The following ZBTB20 variants were observed in gnomAD, a reference collection of about 807,000 sequenced individuals.
ZBTB20 encodes the protein zinc finger and BTB domain containing 20, also known as zinc finger and BTB domain-containing protein 20.
In ZBTB20, 9 loss-of-function variants were observed where a neutral mutation model predicts 56.9. That is an observed-to-expected ratio of 0.16 (90% CI 0.10 to 0.28). The LOEUF is 0.28. Among genes scored for constraint, ZBTB20 ranks in the 10% least tolerant of loss-of-function variants. The probability of loss-of-function intolerance (pLI) is 1.00; values close to 1 mark genes in which losing one functional copy is unlikely to be tolerated. For synonymous variants in ZBTB20, 417 were observed against 420.7 expected (o/e 0.99, Z 0.11); for missense variants, 655 against 1,003.0 (o/e 0.65, Z 4.69).
intron 10 of ZBTB20, 131 bp downstream of exon 10, chr3:114,380,086 G>C: frequency 1.0e-6 from 1 of 957,126 alleles, no homozygotes; most frequent in African/African-American, 1.7e-5. Context: ...GAAAATGGTG[G>C]CACATTACTT....
rs539429660 is a variant in ZBTB20 at position 114,338,619 on chromosome 3, T to A, written c.*386A>T. 1 of 160,108 alleles carries A rather than the reference T, an allele frequency of 6.2e-6. No homozygotes were observed. The highest frequency in any genetic ancestry group is 1.8e-4 in the East Asian group (1 of 5,596). 9.9% of individuals were successfully genotyped at this position (160,108 alleles called of 1,614,324 possible). A position where few individuals can be genotyped will look rare whatever the true frequency, so the allele number is the denominator to read the frequency against. On this transcript the variant is annotated 3_prime_UTR_variant, in exon 12 of 12. Transcript: ENST00000675478. ...ACAGTAGGCCTTTTAGATTTTGTTA[T>A]ATATTTTTTGTAGTGCTCTTCACAA...
intron 2 of ZBTB20, among the ~76,000 whole-genome samples, chr3:115,051,409 G>C (rs2081542543): frequency 6.6e-6 from 1 of 152,136 alleles, no homozygotes; most frequent in South Asian, 2.1e-4. Context: ...AGAAAGTGAT[G>C]TTTAAGCTGA....
chr3:114,498,303 C>T (rs936287201), intron 7 of ZBTB20, among the ~76,000 whole-genome samples: 3 of 152,054 alleles, frequency 2.0e-5, no homozygotes, highest in African/African-American at 4.8e-5. Flanking sequence ...AAATCCAGGT[C>T]AAATACAGAT....
chr3:115,039,014 T>C (rs946952422), intron 2 of ZBTB20, among the ~76,000 whole-genome samples: 1 of 152,122 alleles, frequency 6.6e-6, no homozygotes, highest in Admixed American at 6.5e-5. Flanking sequence ...CCTGTTACTG[T>C]ATCCTTGGAT....
chr3:114,807,333 C>T (rs190758580), intron 4 of ZBTB20, among the ~76,000 whole-genome samples: 3 of 151,950 alleles, frequency 2.0e-5, no homozygotes, highest in African/African-American at 2.4e-5. Flanking sequence ...ATTATATTGC[C>T]GGCAAATAAA....
At chr3:114,505,628 T>C (rs532708484) in intron 6 of ZBTB20, among the ~76,000 whole-genome samples, 3 of 152,298 alleles carry the variant, frequency 2.0e-5, no homozygotes, top group African/African-American at 7.2e-5. Flanking sequence ...TTTCTATCGG[T>C]AGAGATAATG....
At chr3:114,598,904 C>G (rs1327250251) in intron 6 of ZBTB20, among the ~76,000 whole-genome samples, 1 of 152,060 alleles carries the variant, frequency 6.6e-6, no homozygotes, top group Admixed American at 6.6e-5. Context: ...TGCGTTGTGT[C>G]CAGTTTGCAA....
rs2079324526 is a variant in ZBTB20 at position 114,333,151 on chromosome 3, A to G, written c.*5854T>C. The G allele has an allele frequency of 6.6e-6, 1 of 152,236 alleles. No homozygotes were observed. The highest frequency in any genetic ancestry group is 1.5e-5 in the Non-Finnish European group (1 of 68,040). The allele number at this position is 152,236 out of a possible 1,614,324, so 9.4% of individuals were successfully genotyped here. On this transcript the variant is annotated 3_prime_UTR_variant, in exon 12 of 12. Transcript: ENST00000675478. ...GCTGATCGTCTTGATACTCAGTGCT[A>G]GAAATGATGCTTTGGATTAGTAGTT... is the stretch of plus-strand genomic sequence containing the variant.
chr3:114,649,422 A>C (rs2060011264), intron 6 of ZBTB20, among the ~76,000 whole-genome samples: 1 of 152,038 alleles, frequency 6.6e-6, no homozygotes, highest in Non-Finnish European at 1.5e-5. Context: ...AAGAATGTAG[A>C]GTTCCATGGG....
At position 114,380,343 on chromosome 3, in the gene ZBTB20, C is replaced by T. The variant is rs1158585589; in HGVS notation, c.73G>A (p.Gly25Ser). Residue 25 changes from glycine to serine, a missense_variant, in exon 10 of 12, where the codon GGT becomes AGT. Gly to Ser is a moderately conservative substitution (Grantham distance 56). Transcript: ENST00000675478. ...AGGCCCGGCTTGGCGCTGGATCCAC[C>T]CGGCTGAGTAATCTCATTCTCCTCA... ...ASEENEITQP[G>S]GSSAKPGLPC... is the part of the protein sequence containing the mutation. 1 of 1,537,154 alleles carries T rather than the reference C, an allele frequency of 6.5e-7. No homozygotes were observed. The highest frequency in any genetic ancestry group is 2.0e-5 in the Admixed American group (1 of 50,996).
chr3:114,768,402 C>G (rs2068933343), intron 5 of ZBTB20, among the ~76,000 whole-genome samples: 1 of 151,932 alleles, frequency 6.6e-6, no homozygotes, highest in Admixed American at 6.6e-5. Flanking sequence ...TTTGATAGTG[C>G]ACTAATATAT....
intron 2 of ZBTB20, among the ~76,000 whole-genome samples, chr3:114,978,584 T>A (rs964608409): frequency 1.7e-4 from 26 of 151,678 alleles, no homozygotes; most frequent in Non-Finnish European, 2.5e-4. Flanking sequence ...CAATATTTAA[T>A]AATTTTTCTC....
Position 115,087,263 on chromosome 3 carries a change from G to A in ZBTB20, c.-702-15849C>T, listed in dbSNP as rs2083020447. ...AATAAAAATGGCCTGTCTTTAAATA[G>A]GTGTCCATTACATTTTTCACGTTTA... On this transcript the variant is annotated intron_variant, in intron 1 of 11. Coordinates refer to ENST00000675478, the MANE Select transcript of ZBTB20 (RefSeq NM_001348800.3). Among the ~76,000 whole-genome samples the A allele has an allele frequency of 2.0e-5, 3 of 151,710 alleles. No individual in the cohort carries two copies. The South Asian group carries it at 6.2e-4, about 32-fold the overall frequency.
chr3:114,897,007 T>C (rs748349103), intron 4 of ZBTB20, among the ~76,000 whole-genome samples: 1 of 152,114 alleles, frequency 6.6e-6, no homozygotes, highest in Non-Finnish European at 1.5e-5. Flanking sequence ...GTAGTGGTGA[T>C]GGCGAGGGAA....
intron 4 of ZBTB20, among the ~76,000 whole-genome samples, chr3:114,831,112 TTTA>T (rs1337815884): frequency 1.4e-5 from 2 of 146,636 alleles, no homozygotes; most frequent in African/African-American, 2.6e-5. Context: ...TTTTTTTTTT[TTTA>T]GTATCCAGTG....
chr3:114,522,141 A>G (rs2046711547), intron 6 of ZBTB20, among the ~76,000 whole-genome samples: 1 of 152,194 alleles, frequency 6.6e-6, no homozygotes, highest in South Asian at 2.1e-4. Flanking sequence ...AGTAGGTGCT[A>G]TGAACCAAAA....
intron 3 of ZBTB20, among the ~76,000 whole-genome samples, chr3:114,901,999 TA>T (rs1184853602): frequency 6.6e-6 from 1 of 152,164 alleles, no homozygotes; most frequent in Non-Finnish European, 1.5e-5. Flanking sequence ...GAAAAAGTTA[TA>T]AAATGCTATA....
intron 5 of ZBTB20, among the ~76,000 whole-genome samples, chr3:114,779,482 A>G (rs1254457376): frequency 6.6e-6 from 1 of 152,196 alleles, no homozygotes; most frequent in Non-Finnish European, 1.5e-5. Context: ...GCACCGAAGA[A>G]TGGGTGGCCA....
chr3:114,951,988 C>T (rs1018402346), intron 3 of ZBTB20, among the ~76,000 whole-genome samples: 3 of 151,578 alleles, frequency 2.0e-5, no homozygotes, highest in Non-Finnish European at 4.4e-5. Flanking sequence ...ATACAGAAAA[C>T]AGTCAATAAA....
Sources: allele counts gnomAD v4.1 joint callset (sites outside exome capture counted in the v4.1 genomes callset), GRCh38; gene constraint gnomAD v4.1.1; transcripts MANE v1.5; gene names NCBI Gene and HGNC (gene_info 2026-07-23, HGNC 2026-07-21).